Variants in PTK7 observed in about 807,000 individuals in gnomAD.
The protein encoded by PTK7 is inactive tyrosine-protein kinase 7.
Under a neutral mutation model 116.6 loss-of-function variants are expected in PTK7, and 39 were observed. That is an observed-to-expected ratio of 0.33 (90% CI 0.26 to 0.44). PTK7 has a LOEUF of 0.44. PTK7 is among the 20% of genes least tolerant of loss of function. PTK7 has a pLI of 1.00. For synonymous variants in PTK7, 546 were observed against 563.6 expected (o/e 0.97, Z 0.44); for missense variants, 1,169 against 1,425.6 (o/e 0.82, Z 2.90).
At chr6:43,138,644 AGAGT>A (rs1255584829) in intron 7 of PTK7, 3 of 541,622 alleles carry the variant, frequency 5.5e-6, no homozygotes, top group Non-Finnish European at 9.4e-6. Flanking sequence ...CCTGGGTGAC[AGAGT>A]GAGAACCTGT....
chr6:43,161,092 A>T lies in PTK7; in HGVS notation c.*211A>T. 3.0e-6 allele frequency: 2 copies of T among 668,502 alleles called. No individual in the cohort carries two copies. Among genetic ancestry groups the T allele is most frequent in the Non-Finnish European group, 4.8e-6 (2 of 415,304 alleles). 41.4% of individuals were successfully genotyped at this position (668,502 alleles called of 1,614,324 possible). Reference sequence around the variant, plus strand: ...TGACTTGGACCCAAACTGGGCGACTAGGGCTTTGAGCTGGGCAGTTTTCCC... The same window carrying T: ...TGACTTGGACCCAAACTGGGCGACTTGGGCTTTGAGCTGGGCAGTTTTCCC... On this transcript the variant is annotated 3_prime_UTR_variant, in exon 20 of 20. Transcript: ENST00000230419.
intron 5 of PTK7, among the ~76,000 whole-genome samples, chr6:43,131,017 G>A (rs112579883): frequency 3.2e-4 from 47 of 146,318 alleles, no homozygotes; most frequent in African/African-American, 1.2e-3. Context: ...GTGATCCAGT[G>A]TGGCAAAGAC....
At chr6:43,088,847 G>C (rs1455711755) in intron 1 of PTK7, among the ~76,000 whole-genome samples, 1 of 152,146 alleles carries the variant, frequency 6.6e-6, no homozygotes, top group Non-Finnish European at 1.5e-5. Flanking sequence ...TCCTGGTGCT[G>C]CTGGAAGGTC....
intron 19 of PTK7, 73 bp from the exon 20 acceptor site, chr6:43,160,648 T>C (rs1470944323): frequency 6.4e-7 from 1 of 1,567,286 alleles, no homozygotes; most frequent in East Asian, 2.3e-5. Context: ...TTGTATAAAC[T>C]GCAAGGTCCA....
intron 1 of PTK7, chr6:43,077,117 A>G (rs1766082557): frequency 1.9e-6 from 2 of 1,057,334 alleles, no homozygotes; most frequent in Non-Finnish European, 2.5e-6. Context: ...CTGAGACCCC[A>G]GATGGCCCTG....
chr6:43,109,920 G>A (rs967673804), intron 1 of PTK7, among the ~76,000 whole-genome samples: 3 of 150,784 alleles, frequency 2.0e-5, no homozygotes. Context: ...GGATGATCTC[G>A]ATTTCCTGAC....
intron 1 of PTK7, among the ~76,000 whole-genome samples, chr6:43,112,286 A>ATTT (rs1768236155): frequency 6.7e-6 from 1 of 149,956 alleles, no homozygotes; most frequent in Admixed American, 6.6e-5. Flanking sequence ...TTATTTATTT[A>ATTT]GAGACGTAGT....
intron 18 of PTK7, among the ~76,000 whole-genome samples, chr6:43,159,329 T>C (rs1006555103): frequency 3.3e-5 from 5 of 152,102 alleles, no homozygotes; most frequent in Admixed American, 2.0e-4. Context: ...TCAGCACCCA[T>C]GCCAGAGCTT....
At chr6:43,081,242 G>A (rs1766359880) in intron 1 of PTK7, among the ~76,000 whole-genome samples, 1 of 152,166 alleles carries the variant, frequency 6.6e-6, no homozygotes, top group African/African-American at 2.4e-5. Flanking sequence ...CCTGCCAGAA[G>A]GTAGACACTG....
At chr6:43,091,590 C>A (rs1766959233) in intron 1 of PTK7, among the ~76,000 whole-genome samples, 1 of 152,180 alleles carries the variant, frequency 6.6e-6, no homozygotes, top group Admixed American at 6.5e-5. Flanking sequence ...ATTTGCACAT[C>A]TTTGAAATTG....
intron 1 of PTK7, among the ~76,000 whole-genome samples, chr6:43,088,259 T>G (rs142673639): frequency 1.3e-5 from 2 of 151,774 alleles, no homozygotes; most frequent in Admixed American, 6.6e-5. Context: ...TGAGCCAAGA[T>G]TGCACCACTG....
At chr6:43,099,990 G>A (rs1767476339) in intron 1 of PTK7, among the ~76,000 whole-genome samples, 2 of 152,248 alleles carry the variant, frequency 1.3e-5, no homozygotes, top group Non-Finnish European at 2.9e-5. Context: ...TGGGATTACA[G>A]GCATGTGCCA....
chr6:43,152,793 T>C (rs1416873792), intron 17 of PTK7, among the ~76,000 whole-genome samples: 2 of 150,246 alleles, frequency 1.3e-5, no homozygotes, highest in African/African-American at 5.0e-5. Context: ...TGTTATGTTA[T>C]GTATTCTTTA....
intron 1 of PTK7, among the ~76,000 whole-genome samples, chr6:43,124,126 G>A (rs1769135209): frequency 6.6e-6 from 1 of 152,106 alleles, no homozygotes; most frequent in African/African-American, 2.4e-5. Context: ...GCCTCGGGAA[G>A]CCCAGGACCT....
rs1771535048 is a variant in PTK7, at chr6:43,157,358, AT to A, written c.2722-1458del. 1.6e-3 allele frequency among the ~76,000 whole-genome samples: 6 copies of A among 3,752 alleles called. 1 individual carries two copies. The highest frequency in any genetic ancestry group is 4.1e-3 in the African/African-American group (6 of 1,476). The allele number at this position is 3,752 out of a possible 152,430, so 2.5% of individuals were successfully genotyped here. A position where few individuals can be genotyped will look rare whatever the true frequency, so the allele number is the denominator to read the frequency against. ...TATATATATATATATATATATATATATATATATTTTTTTTTTTCTTTTTTTT... is the reference window on the plus strand; with the variant it reads ...TATATATATATATATATATATATATAATATATTTTTTTTTTTCTTTTTTTT... On this transcript the variant is annotated intron_variant, in intron 17 of 19. Transcript: ENST00000230419.
At chr6:43,083,071 G>A (rs541049876) in intron 1 of PTK7, among the ~76,000 whole-genome samples, 2 of 152,302 alleles carry the variant, frequency 1.3e-5, no homozygotes, top group African/African-American at 2.4e-5. Flanking sequence ...GAGGTTGGCC[G>A]GTTCAGACTC....
At chr6:43,159,176 G>A (rs1771690269) in intron 18 of PTK7, among the ~76,000 whole-genome samples, 1 of 152,184 alleles carries the variant, frequency 6.6e-6, no homozygotes, top group African/African-American at 2.4e-5. Flanking sequence ...GTTGTAAAAT[G>A]TCTCTAGCGA....
At chr6:43,104,685 C>T (rs936586672) in intron 1 of PTK7, among the ~76,000 whole-genome samples, 1 of 152,182 alleles carries the variant, frequency 6.6e-6, no homozygotes. Flanking sequence ...ACCTCAGCCT[C>T]CCAGAGTGCT....
intron 1 of PTK7, among the ~76,000 whole-genome samples, chr6:43,100,088 T>TA (rs939581903): frequency 4.0e-5 from 6 of 151,344 alleles, no homozygotes; most frequent in Non-Finnish European, 5.9e-5. Context: ...CCCTGTCTCT[T>TA]AAAAAAAAAT....
Sources: allele counts gnomAD v4.1 joint callset (sites outside exome capture counted in the v4.1 genomes callset), GRCh38; gene constraint gnomAD v4.1.1; transcripts MANE v1.5; gene names NCBI Gene and HGNC (gene_info 2026-07-23, HGNC 2026-07-21).